NKAIN2: variants seen among roughly 807,000 people sequenced by gnomAD.
NKAIN2 encodes the protein sodium/potassium-transporting ATPase subunit beta-1-interacting protein 2.
A neutral mutation model predicts 32.6 loss-of-function variants in NKAIN2; 14 were observed. The ratio of observed to expected loss-of-function variants is 0.43; its 90% confidence interval spans 0.28 to 0.67. NKAIN2 has a LOEUF of 0.67. NKAIN2 is among the 30% of genes least tolerant of loss of function. The probability of loss-of-function intolerance (pLI) is 0.17; values close to 1 mark genes in which losing one functional copy is unlikely to be tolerated. For missense variants in NKAIN2, 198 were observed against 258.3 expected, an observed-to-expected ratio of 0.77 and a Z score of 1.60; for synonymous variants, 80 against 87.2, an observed-to-expected ratio of 0.92 and a Z score of 0.46.
At chr6:123,977,691 A>G (rs1009570595) in intron 1 of NKAIN2, among the ~76,000 whole-genome samples, 5 of 152,198 alleles carry the variant, frequency 3.3e-5, no homozygotes, top group Non-Finnish European at 4.4e-5. Context: ...AGTCCTGAAC[A>G]TGTTTGCACT....
chr6:123,857,463 GT>G (rs376006105), intron 1 of NKAIN2, among the ~76,000 whole-genome samples: 2 of 149,500 alleles, frequency 1.3e-5, no homozygotes, highest in Non-Finnish European at 2.9e-5. Flanking sequence ...ATGCAACTAT[GT>G]TTTTTTACAG....
intron 3 of NKAIN2, among the ~76,000 whole-genome samples, chr6:124,588,064 A>G (rs931369060): frequency 6.6e-6 from 1 of 152,184 alleles, no homozygotes; most frequent in Non-Finnish European, 1.5e-5. Context: ...AATAGATGAT[A>G]TAGGTTCCGC....
At chr6:124,598,373 G>A (rs1193163092) in intron 3 of NKAIN2, among the ~76,000 whole-genome samples, 1 of 152,102 alleles carries the variant, frequency 6.6e-6, no homozygotes, top group Non-Finnish European at 1.5e-5. Context: ...AATGTCCAAA[G>A]TACCAGTAAG....
At chr6:124,231,076 C>A in intron 1 of NKAIN2, among the ~76,000 whole-genome samples, 1 of 152,350 alleles carries the variant, frequency 6.6e-6, no homozygotes, top group South Asian at 2.1e-4. Context: ...TACCCAAGAC[C>A]GTGGGAACCC....
chr6:124,419,650 C>T lies in NKAIN2; in HGVS notation c.273+64303C>T, dbSNP rs544719549. On this transcript the variant is annotated intron_variant, in intron 3 of 6. Coordinates refer to ENST00000368417, the MANE Select transcript of NKAIN2 (RefSeq NM_001040214.3). ...ACAAGTTCATAGTCCTGAAATGACC[C>T]ATTCATTGAGAAACAATAGAAGACA... Among the ~76,000 whole-genome samples the T allele has an allele frequency of 3.7e-4, 56 of 152,214 alleles. 1 individual carries two copies. Among genetic ancestry groups the T allele is most frequent in the Middle Eastern group, 6.8e-3 (2 of 294 alleles).
chr6:124,552,934 C>A (rs544195002), intron 3 of NKAIN2, among the ~76,000 whole-genome samples: 1 of 152,160 alleles, frequency 6.6e-6, no homozygotes, highest in Admixed American at 6.5e-5. Context: ...TACTCCAAAC[C>A]GCTCAAATAA....
chr6:124,654,813 C>T (rs1784482869), intron 3 of NKAIN2, among the ~76,000 whole-genome samples: 1 of 152,118 alleles, frequency 6.6e-6, no homozygotes, highest in South Asian at 2.1e-4. Flanking sequence ...CAAATATTAC[C>T]AGCACACCAT....
At chr6:124,212,706 AT>A (rs1791252716) in intron 1 of NKAIN2, among the ~76,000 whole-genome samples, 1 of 152,098 alleles carries the variant, frequency 6.6e-6, no homozygotes, top group South Asian at 2.1e-4. Flanking sequence ...TAATTTTAGC[AT>A]TCGTTGTTCT....
intron 5 of NKAIN2, among the ~76,000 whole-genome samples, chr6:124,810,470 C>T (rs983855136): frequency 6.6e-6 from 1 of 151,746 alleles, no homozygotes; most frequent in Non-Finnish European, 1.5e-5. Flanking sequence ...ACATCACACT[C>T]TGAGGACTGT....
chr6:124,267,016 C>T (rs1794523846), intron 1 of NKAIN2, among the ~76,000 whole-genome samples: 3 of 151,560 alleles, frequency 2.0e-5, no homozygotes, highest in Admixed American at 2.0e-4. Context: ...ATAGAAAAGA[C>T]ATTTTAACAT....
intron 4 of NKAIN2, among the ~76,000 whole-genome samples, chr6:124,699,389 A>G (rs564737375): frequency 1.3e-5 from 2 of 152,272 alleles, no homozygotes; most frequent in East Asian, 1.9e-4. Context: ...GTGACCCAAG[A>G]GGAGGCTGCA....
At chr6:123,961,191 G>GA (rs1162064297) in intron 1 of NKAIN2, among the ~76,000 whole-genome samples, 16 of 147,560 alleles carry the variant, frequency 1.1e-4, no homozygotes, top group South Asian at 2.2e-4. Context: ...AGACAAAGCA[G>GA]AAAAAAAAAA....
intron 1 of NKAIN2, among the ~76,000 whole-genome samples, chr6:124,106,481 G>A (rs1413207815): frequency 6.6e-6 from 1 of 152,152 alleles, no homozygotes; most frequent in African/African-American, 2.4e-5. Context: ...TGGTAGCAGT[G>A]CAGCAATCGA....
At chr6:123,854,022 C>T (rs972424749) in intron 1 of NKAIN2, among the ~76,000 whole-genome samples, 1 of 152,112 alleles carries the variant, frequency 6.6e-6, no homozygotes, top group African/African-American at 2.4e-5. Flanking sequence ...CTCCGCCTGC[C>T]TTGGCCTCCC....
chr6:124,741,016 C>T (rs1407273909), intron 4 of NKAIN2, among the ~76,000 whole-genome samples: 1 of 151,440 alleles, frequency 6.6e-6, no homozygotes, highest in Non-Finnish European at 1.5e-5. Context: ...AAAATAATTC[C>T]AATTCTGGAT....
chr6:124,341,511 A>T (rs1798111970), intron 2 of NKAIN2, among the ~76,000 whole-genome samples: 1 of 152,184 alleles, frequency 6.6e-6, no homozygotes, highest in South Asian at 2.1e-4. Flanking sequence ...TTCTAGAATA[A>T]GAAATTTCTA....
chr6:124,570,967 A>G (rs1781105517), intron 3 of NKAIN2, among the ~76,000 whole-genome samples: 1 of 152,190 alleles, frequency 6.6e-6, no homozygotes, highest in African/African-American at 2.4e-5. Flanking sequence ...GCCCAAGACC[A>G]TGGAAATCCA....
chr6:124,648,237 G>A (rs936911263), intron 3 of NKAIN2, among the ~76,000 whole-genome samples: 2 of 152,138 alleles, frequency 1.3e-5, no homozygotes, highest in Non-Finnish European at 2.9e-5. Context: ...ATCTGAGTTT[G>A]CTAAATGTCA....
At chr6:124,118,483 T>C (rs4896084) in intron 1 of NKAIN2, among the ~76,000 whole-genome samples, 1,763 of 152,152 alleles carry the variant, frequency 0.012, 80 homozygotes, top group East Asian at 0.088. Context: ...TACTAATACC[T>C]CGGGAGAAAA....
Sources: allele counts gnomAD v4.1 joint callset (sites outside exome capture counted in the v4.1 genomes callset), GRCh38; gene constraint gnomAD v4.1.1; transcripts MANE v1.5; gene names NCBI Gene and HGNC (gene_info 2026-07-23, HGNC 2026-07-21).